The following PLSCR2 variants were observed in gnomAD, a reference collection of about 807,000 sequenced individuals.
PLSCR2 encodes the protein phospholipid scramblase 2.
In PLSCR2, 18 loss-of-function variants were observed where a neutral mutation model predicts 25.3. That is an observed-to-expected ratio of 0.71 (90% CI 0.49 to 1.06). The LOEUF is 1.06. PLSCR2 is among the 50% of genes least tolerant of loss of function. PLSCR2 has a pLI of 0.00. For synonymous variants in PLSCR2, 88 were observed against 87.3 expected, an observed-to-expected ratio of 1.01 and a Z score of -0.04; for missense variants, 243 against 269.5, an observed-to-expected ratio of 0.90 and a Z score of 0.69.
At chr3:146,426,469 T>C (rs1002669848) in intron 2 of PLSCR2, among the ~76,000 whole-genome samples, 4 of 152,124 alleles carry the variant, frequency 2.6e-5, no homozygotes, top group African/African-American at 9.7e-5. Context: ...AATTACTGGG[T>C]TGACTTTTTA....
chr3:146,449,868 C>T lies in PLSCR2; in HGVS notation c.484-501G>A, dbSNP rs1415801890. 2.6e-5 allele frequency among the ~76,000 whole-genome samples: 4 copies of T among 151,890 alleles called. No individual in the cohort carries two copies. In the East Asian group the frequency reaches 7.7e-4, roughly 29 times the overall value. On this transcript the variant is annotated intron_variant, in intron 5 of 6. Coordinates refer to ENST00000610787, the Ensembl canonical transcript of PLSCR2. Reference sequence around the variant, plus strand: ...GTAGGAAAACATAAAATGCTAAGAGCCTAGAAAAGAAGACTGACAGTTTGA... The same window carrying T: ...GTAGGAAAACATAAAATGCTAAGAGTCTAGAAAAGAAGACTGACAGTTTGA...
At chr3:146,454,346 T>C (rs1305384309) in intron 4 of PLSCR2, among the ~76,000 whole-genome samples, 183 bp from the exon 5 acceptor site, 2 of 152,158 alleles carry the variant, frequency 1.3e-5, no homozygotes, top group African/African-American at 2.4e-5. Context: ...ATAGAGCATT[T>C]CCCATCAAAC....
At chr3:146,425,963 G>A (rs1350323089) in intron 2 of PLSCR2, among the ~76,000 whole-genome samples, 1 of 152,104 alleles carries the variant, frequency 6.6e-6, no homozygotes, top group African/African-American at 2.4e-5. Context: ...TTGAGACAAT[G>A]TAAATACACT....
intron 8 of PLSCR2, among the ~76,000 whole-genome samples, chr3:146,433,744 C>A (rs7645939): frequency 0.58 from 87,600 of 151,834 alleles, 25,700 homozygotes; most frequent in South Asian, 0.76. Flanking sequence ...ACCCTTCATC[C>A]TTGGAATCTG....
chr3:146,459,904 T>A, exon 2 of PLSCR2: 3 of 1,614,086 alleles, frequency 1.9e-6, no homozygotes, highest in Non-Finnish European at 1.7e-6. Context: ...GGTGCTGGCA[T>A]CCATGGTACC....
chr3:146,482,190 C>A (rs1402352130), intron 1 of PLSCR2, among the ~76,000 whole-genome samples: 3 of 152,016 alleles, frequency 2.0e-5, no homozygotes, highest in Non-Finnish European at 4.4e-5. Context: ...ACTAAAACAC[C>A]AAAAACAATG....
downstream of PLSCR2, among the ~76,000 whole-genome samples, chr3:146,429,098 A>G (rs926937034): frequency 2.6e-5 from 4 of 152,186 alleles, no homozygotes; most frequent in African/African-American, 9.7e-5. Context: ...AGGCCGAGTA[A>G]TTTATAAAGA....
At chr3:146,439,108 T>A (rs540102927), downstream of PLSCR2, among the ~76,000 whole-genome samples, 3 of 152,362 alleles carry the variant, frequency 2.0e-5, no homozygotes, top group East Asian at 3.9e-4. Flanking sequence ...TGGCCCCCAC[T>A]CTCTTCTGGC....
At chr3:146,483,293 G>C in intron 1 of PLSCR2, among the ~76,000 whole-genome samples, 1 of 128,076 alleles carries the variant, frequency 7.8e-6, no homozygotes, top group Non-Finnish European at 1.6e-5. Flanking sequence ...GGGGTGGGGG[G>C]CTGGGGGAGG....
intron 6 of PLSCR2, among the ~76,000 whole-genome samples, chr3:146,448,460 A>C (rs1317689323): frequency 6.6e-6 from 1 of 152,204 alleles, no homozygotes; most frequent in East Asian, 1.9e-4. Flanking sequence ...AACAGCTTGA[A>C]GTCTTCATCC....
chr3:146,491,038 C>T (rs2043532693), intron 1 of PLSCR2, among the ~76,000 whole-genome samples: 1 of 152,060 alleles, frequency 6.6e-6, no homozygotes, highest in African/African-American at 2.4e-5. Flanking sequence ...GTAAGGCAGG[C>T]CTACTGGTAA....
chr3:146,490,244 C>T (rs1394081831), intron 1 of PLSCR2, among the ~76,000 whole-genome samples: 2 of 152,056 alleles, frequency 1.3e-5, no homozygotes, highest in African/African-American at 4.8e-5. Context: ...AGAGGAACCA[C>T]CATTTGGAGG....
intron 1 of PLSCR2, among the ~76,000 whole-genome samples, chr3:146,491,098 C>T (rs2043534915): frequency 6.6e-6 from 1 of 152,096 alleles, no homozygotes; most frequent in African/African-American, 2.4e-5. Context: ...TTCTTCTTCA[C>T]ATTTGAAGCT....
intron 1 of PLSCR2, among the ~76,000 whole-genome samples, chr3:146,478,340 C>A (rs961835530): frequency 4.6e-5 from 7 of 152,042 alleles, no homozygotes; most frequent in African/African-American, 1.4e-4. Context: ...TAATAAAAAC[C>A]TTGATAAAAT....
At chr3:146,424,511 G>T (rs2039269083) in intron 2 of PLSCR2, among the ~76,000 whole-genome samples, 1 of 152,064 alleles carries the variant, frequency 6.6e-6, no homozygotes, top group Non-Finnish European at 1.5e-5. Flanking sequence ...TTTATTTAAA[G>T]CCATGAAGTT....
downstream of PLSCR2, chr3:146,441,652 C>T (rs1335298075): frequency 1.7e-6 from 1 of 596,258 alleles, no homozygotes; most frequent in African/African-American, 2.0e-5. Flanking sequence ...CATAGCTTAA[C>T]TCACACAGGT....
At chr3:146,483,508 T>TAA (rs1553791597) in intron 1 of PLSCR2, among the ~76,000 whole-genome samples, 1 of 122,898 alleles carries the variant, frequency 8.1e-6, no homozygotes, top group Admixed American at 8.6e-5. Context: ...TATATATATA[T>TAA]AATGTTACTA....
At chr3:146,492,415 AC>A (rs1337842579) in intron 1 of PLSCR2, among the ~76,000 whole-genome samples, 1 of 152,144 alleles carries the variant, frequency 6.6e-6, no homozygotes, top group African/African-American at 2.4e-5. Flanking sequence ...AAAGCAATTC[AC>A]AAAAAATTTA....
Position 146,455,222 on chromosome 3 carries a change from AG to A in PLSCR2, c.321+16del. Reference sequence around the variant, plus strand: ...GCTGAACTACTTTATGAAAAGCTCTAGTAATTGCTCACATACCTCCTGAAGG... The same window carrying A: ...GCTGAACTACTTTATGAAAAGCTCTATAATTGCTCACATACCTCCTGAAGG... On this transcript the variant is annotated intron_variant, in intron 4 of 6. Transcript: ENST00000610787. The A allele has an allele frequency of 6.6e-7, 1 of 1,525,482 alleles. No homozygotes were observed. The highest frequency in any genetic ancestry group is 2.3e-5 in the East Asian group (1 of 44,414). The allele number at this position is 1,525,482 out of a possible 1,614,324, so 94.5% of individuals were successfully genotyped here. A position where few individuals can be genotyped will look rare whatever the true frequency, so the allele number is the denominator to read the frequency against.
Sources: allele counts gnomAD v4.1 joint callset (sites outside exome capture counted in the v4.1 genomes callset), GRCh38; gene constraint gnomAD v4.1.1; transcripts MANE v1.5; gene names NCBI Gene and HGNC (gene_info 2026-07-23, HGNC 2026-07-21).